Variants in NOC2L observed in about 807,000 individuals in gnomAD.
NOC2L encodes nucleolar complex protein 2 homolog.
A neutral mutation model predicts 94.2 loss-of-function variants in NOC2L; 101 were observed. That is an observed-to-expected ratio of 1.07 (90% confidence interval 0.91 to 1.26). NOC2L has a LOEUF of 1.26. Ranked by LOEUF, NOC2L falls within the 50% of genes most tolerant of loss-of-function variation. The pLI is 0.00. For missense variants in NOC2L, 1,076 were observed against 980.1 expected, an observed-to-expected ratio of 1.10 and a Z score of -1.31; for synonymous variants, 531 against 413.4, an observed-to-expected ratio of 1.28 and a Z score of -3.45.
At chr1:946,136 TCA>T (rs1203555844) in intron 16 of NOC2L, 35 bp downstream of exon 16, 1 of 1,459,114 alleles carries the variant, frequency 6.9e-7, no homozygotes, top group East Asian at 2.3e-5. Context: ...ACCCAGGAAG[TCA>T]CAACACACCC....
rs1557619862 is a variant in NOC2L at position 952,145 on chromosome 1, C to T, written c.1192-6G>A. 2 of 1,613,366 alleles carry T rather than the reference C, an allele frequency of 1.2e-6. No individual in the cohort carries two copies. Among genetic ancestry groups the T allele is most frequent in the Admixed American group, 1.7e-5 (1 of 60,016 alleles). On this transcript the variant is annotated splice_region_variant and splice_polypyrimidine_tract_variant and intron_variant, in intron 10 of 18. Transcript: ENST00000327044. ...TACACAGACTGGTATGTTTCCTGGT[C>T]AGAGAGAACCACGTCAGCTACTGGC...
At chr1:952,244 G>A in intron 10 of NOC2L, 105 bp from the exon 11 acceptor site, 1 of 1,441,620 alleles carries the variant, frequency 6.9e-7, no homozygotes, top group East Asian at 2.4e-5. Context: ...TTGCACACGG[G>A]GTCTCAACCC....
chr1:953,840 A>G lies in NOC2L; in HGVS notation c.830T>C (p.Ile277Thr). Residue 277 changes from isoleucine (I) to threonine (T), a missense_variant, in exon 8 of 19, where the codon ATC becomes ACC. Physicochemically the swap from Ile to Thr is moderately conservative, Grantham distance 89. Around this residue, in one of 3 missense-constraint regions of NOC2L, gnomAD observed 457 missense variants for 386.0 expected, o/e 1.18. Coordinates refer to ENST00000327044, the MANE Select transcript of NOC2L (RefSeq NM_015658.4). ...CAGGAAGCAGGGCACCAGCACGCTGATGTGCCGCAGCACGGCCGCCAACAC... is the reference window on the plus strand; with the variant it reads ...CAGGAAGCAGGGCACCAGCACGCTGGTGTGCCGCAGCACGGCCGCCAACAC... ...TTVLAAVLRH[I>T]SVLVPCFLTF... 1.9e-6 allele frequency: 3 copies of G among 1,613,074 alleles called. No individual in the cohort carries two copies. The highest frequency in any genetic ancestry group is 2.5e-6 in the Non-Finnish European group (3 of 1,180,022).
intron 11 of NOC2L, 69 bp downstream of exon 11, chr1:951,931 G>T: frequency 6.5e-7 from 1 of 1,539,002 alleles, no homozygotes; most frequent in Non-Finnish European, 8.8e-7. Context: ...CAGAGGCACC[G>T]CCCACACAGT....
rs779999101 is a variant in NOC2L at position 953,181 on chromosome 1, G to A, written c.996C>T (p.Val332=). The change falls in exon 9 of 19, where the codon GTC becomes GTT. Residue 332 remains valine, a synonymous_variant. Transcript: ENST00000327044. ...RHKKDTFLGP[V]LKQMYITYVR... ...ACGCAGGGCCCACCACTACCTTGAG[G>A]ACGGGGCCAAGGAAAGTGTCCTTCT... is the stretch of plus-strand genomic sequence containing the variant. The A allele has an allele frequency of 7.5e-6, 12 of 1,610,596 alleles. No individual in the cohort carries two copies. In the East Asian group the frequency reaches 1.3e-4, roughly 18 times the overall value.
chr1:946,453 G>T lies in NOC2L; in HGVS notation c.1752C>A (p.Ile584=). The change falls in exon 15 of 19, where the codon ATC becomes ATA. Residue 584 remains isoleucine (I), a synonymous_variant. Coordinates refer to ENST00000327044, the MANE Select transcript of NOC2L (RefSeq NM_015658.4). The part of the protein sequence containing the change: ...LGKVQENSAY[I]CSRRQRVSFG... ...AGGAAACCCTCTGGCGGCGGCTGCA[G>T]ATGTATGCCGAGTTCTCCTGAACCT... The T allele has an allele frequency of 6.2e-7, 1 of 1,613,312 alleles. No individual in the cohort carries two copies. Among genetic ancestry groups the T allele is most frequent in the South Asian group, 1.1e-5 (1 of 91,082 alleles).
intron 13 of NOC2L, 49 bp from the exon 14 acceptor site, chr1:948,281 G>A (rs1444657092): frequency 2.1e-6 from 3 of 1,445,822 alleles, no homozygotes; most frequent in African/African-American, 1.4e-5. Context: ...GGCTGGGGCT[G>A]GGCACTCAGG....
Position 946,396 on chromosome 1 carries a change from A to G in NOC2L, c.1803+6T>C, listed in dbSNP as rs1213834996. 1.9e-6 allele frequency: 3 copies of G among 1,613,406 alleles called. No individual in the cohort carries two copies. The highest frequency in any genetic ancestry group is 2.5e-6 in the Non-Finnish European group (3 of 1,180,000). ...TCAGGTGGCACTACCCCCAGGGCCCACTAACCACTGCCTGCTGCTCAGAGA... is the reference window on the plus strand; with the variant it reads ...TCAGGTGGCACTACCCCCAGGGCCCGCTAACCACTGCCTGCTGCTCAGAGA... On this transcript the variant is annotated splice_donor_region_variant and intron_variant, in intron 15 of 18. Coordinates refer to ENST00000327044, the MANE Select transcript of NOC2L (RefSeq NM_015658.4).
At position 948,487 on chromosome 1, in the gene NOC2L, C is replaced by T. The variant is rs749455382; in HGVS notation, c.1557+3G>A. ...AGGCCCCTCCCCAGGAGGCCAGCCT[C>T]ACCCGGTACGCCTTCTCCTGCAGGT... On this transcript the variant is annotated splice_donor_region_variant and intron_variant, in intron 13 of 18. Transcript: ENST00000327044. 2.5e-6 allele frequency: 4 copies of T among 1,610,182 alleles called. No homozygotes were observed. Among genetic ancestry groups the T allele is most frequent in the South Asian group, 2.2e-5 (2 of 91,020 alleles).
intron 13 of NOC2L, 27 bp downstream of exon 13, chr1:948,463 G>A (rs763232295): frequency 5.8e-6 from 9 of 1,550,076 alleles, no homozygotes; most frequent in Non-Finnish European, 7.1e-6. Context: ...GAACTGCCCA[G>A]GCCCCTCCCC....
intron 6 of NOC2L, 61 bp downstream of exon 6, chr1:955,862 C>T: frequency 7.1e-7 from 1 of 1,409,658 alleles, no homozygotes; most frequent in Non-Finnish European, 1.0e-6. Context: ...CCTCTGGCTT[C>T]TCCTGTGTGT....
intron 12 of NOC2L, among the ~76,000 whole-genome samples, chr1:949,176 A>G (rs1006993452): frequency 2.2e-5 from 1 of 45,136 alleles, no homozygotes; most frequent in African/African-American, 3.6e-5. Context: ...GAGCAGAGAA[A>G]GAGTCAGCCT....
chr1:946,739 AC>A, intron 14 of NOC2L, 194 bp from the exon 15 acceptor site: 1 of 612,934 alleles, frequency 1.6e-6, no homozygotes, highest in South Asian at 2.0e-5. Flanking sequence ...CTCTGGGCCA[AC>A]CCTGCCCACT....
Position 957,117 on chromosome 1 carries a change from G to C in NOC2L, c.336C>G (p.Ser112=), listed in dbSNP as rs2100397453. The C allele has an allele frequency of 6.2e-7, 1 of 1,614,058 alleles. No individual in the cohort carries two copies. Among genetic ancestry groups the C allele is most frequent in the Non-Finnish European group, 8.5e-7 (1 of 1,180,024 alleles). ...SSEEEEGPFH[S]LPDVLEEASE... is the part of the protein sequence containing the mutation. ...CCCTCACCTCCAGCACATCTGGCAGGGAGTGGAACGGCCCCTCTTCCTCCT... is the reference window on the plus strand; with the variant it reads ...CCCTCACCTCCAGCACATCTGGCAGCGAGTGGAACGGCCCCTCTTCCTCCT... The change falls in exon 3 of 19, where the codon TCC becomes TCG. Residue 112 remains serine, a synonymous_variant. Transcript: ENST00000327044.
intron 2 of NOC2L, chr1:957,616 A>C (rs1370546709): frequency 3.5e-6 from 1 of 286,612 alleles, no homozygotes; most frequent in Non-Finnish European, 6.7e-6. Flanking sequence ...GCTCAGACTA[A>C]AGGCAAATCT....
intron 18 of NOC2L, 37 bp from the exon 19 acceptor site, chr1:944,837 T>TATC: frequency 6.9e-7 from 1 of 1,442,842 alleles, no homozygotes; most frequent in Non-Finnish European, 9.5e-7. Context: ...AATTTTGCTT[T>TATC]ATCAGGAAGA....
At position 953,274 on chromosome 1, in the gene NOC2L, T is replaced by C. The variant is rs529844751; in HGVS notation, c.903A>G (p.Val301=). 66 of 1,594,364 alleles carry C rather than the reference T, an allele frequency of 4.1e-5. No individual in the cohort carries two copies. The East Asian group carries it at 5.1e-4, about 12-fold the overall frequency. ...GCAGAGACTCTTCCCCAGTGCTCCA[T>C]ACGATCACCATTCTCTGCAGAAGGT... ...CRMLLKRMVI[V]WSTGEESLRV... is the part of the protein sequence containing the mutation. Residue 301 remains valine, a synonymous_variant, in exon 9 of 19, where the codon GTA becomes GTG. Transcript: ENST00000327044.
chr1:947,781 C>G (rs916940450), intron 14 of NOC2L, among the ~76,000 whole-genome samples: 1 of 152,352 alleles, frequency 6.6e-6, no homozygotes, highest in African/African-American at 2.4e-5. Flanking sequence ...TCCCCACACC[C>G]GGGATGGCCT....
chr1:954,064 G>A lies in NOC2L; in HGVS notation c.717C>T (p.Ser239=). 1.9e-6 allele frequency: 3 copies of A among 1,611,110 alleles called. No homozygotes were observed. The highest frequency in any genetic ancestry group is 2.5e-6 in the Non-Finnish European group (3 of 1,178,264). The change falls in exon 7 of 19, where the codon AGC becomes AGT. Residue 239 remains serine (S), a synonymous_variant. Coordinates refer to ENST00000327044, the MANE Select transcript of NOC2L (RefSeq NM_015658.4). ...KDSSRMLQPS[S]SPLWGKLRVD... ...CACGAAGCTTCCCCCAGAGCGGGCT[G>A]CTGGACGGCTGCAGCATCCTGCAGA...
Sources: gnomAD v4.1 joint callset for allele counts (sites outside exome capture counted in the v4.1 genomes callset) on GRCh38, gnomAD v4.1.1 for gene constraint, gnomAD v4.1.1 regional missense constraint, MANE v1.5 for transcripts, NCBI Gene and HGNC (gene_info 2026-07-23, HGNC 2026-07-21) for gene names.